The following SPIRE1 variants were observed in gnomAD, a reference collection of about 807,000 sequenced individuals.
SPIRE1 encodes the protein spire type actin nucleation factor 1.
A neutral mutation model predicts 94.1 loss-of-function variants in SPIRE1; 40 were observed. The ratio of observed to expected loss-of-function variants is 0.43; its 90% CI spans 0.33 to 0.55. SPIRE1 has a LOEUF of 0.55. Among genes scored for constraint, SPIRE1 ranks in the 20% least tolerant of loss-of-function variants. SPIRE1 has a pLI of 0.06. For synonymous variants in SPIRE1, 376 were observed against 371.7 expected (o/e 1.01, Z -0.13); for missense variants, 838 against 975.2 (o/e 0.86, Z 1.87).
At position 12,463,358 on chromosome 18, in the gene SPIRE1, C is replaced by T. The variant is rs761342289; in HGVS notation, c.1631G>A (p.Arg544His). The T allele has an allele frequency of 1.3e-5, 21 of 1,612,720 alleles. No individual in the cohort carries two copies. Among genetic ancestry groups the T allele is most frequent in the Non-Finnish European group, 1.8e-5 (21 of 1,179,270 alleles). ...AGTCTTTCCTGTACTTACAAGAGAGCGGGAACTCTGCCTGGAAGGCGGCAG... is the reference window on the plus strand; with the variant it reads ...AGTCTTTCCTGTACTTACAAGAGAGTGGGAACTCTGCCTGGAAGGCGGCAG... ...QFLPPSRQSSRSLEEFCYPVE... is the reference protein window; with the variant it reads ...QFLPPSRQSSHSLEEFCYPVE... The change falls in exon 12 of 17, where the codon CGC (arginine) becomes CAC (histidine). Residue 544 changes from arginine to histidine, a missense_variant. By Grantham distance (29) the Arg-to-His change is conservative (BLOSUM62 0). Coordinates refer to ENST00000409402, the MANE Select transcript of SPIRE1 (RefSeq NM_001128626.2).
chr18:12,604,330 G>A (rs1042946193), intron 2 of SPIRE1, among the ~76,000 whole-genome samples: 1 of 152,096 alleles, frequency 6.6e-6, no homozygotes, highest in Non-Finnish European at 1.5e-5. Flanking sequence ...TAGAGGACAC[G>A]CAGCTGGTGT....
At chr18:12,565,765 G>A (rs1203809697) in intron 2 of SPIRE1, among the ~76,000 whole-genome samples, 1 of 151,494 alleles carries the variant, frequency 6.6e-6, no homozygotes, top group Non-Finnish European at 1.5e-5. Context: ...GCCGGGCGCG[G>A]TGGCTCACGC....
At chr18:12,553,070 A>G (rs1051568023) in intron 2 of SPIRE1, among the ~76,000 whole-genome samples, 2 of 152,258 alleles carry the variant, frequency 1.3e-5, no homozygotes, top group African/African-American at 2.4e-5. Context: ...AATCAGCAGC[A>G]ATACCCAGGT....
chr18:12,496,736 G>T (rs1344320588), intron 6 of SPIRE1, among the ~76,000 whole-genome samples: 2 of 152,036 alleles, frequency 1.3e-5, no homozygotes, highest in African/African-American at 2.4e-5. Context: ...GGGCGTGGTG[G>T]CGGGCACCTG....
At position 12,512,533 on chromosome 18, in the gene SPIRE1, T is replaced by G; in HGVS notation, c.730-2A>C. ...CATTTCTTGAATCTTCTTAAGATTC[T>G]ACAGGTTAAAATAATACAGGCATAA... On this transcript the variant is annotated splice_acceptor_variant, in intron 4 of 16. Transcript: ENST00000409402. LOFTEE classifies it high-confidence loss of function. 1 of 1,587,104 alleles carries G rather than the reference T, an allele frequency of 6.3e-7. No homozygotes were observed. Among genetic ancestry groups the G allele is most frequent in the Non-Finnish European group, 8.6e-7 (1 of 1,158,974 alleles).
chr18:12,550,677 T>C (rs2035322528), intron 2 of SPIRE1, among the ~76,000 whole-genome samples: 2 of 152,040 alleles, frequency 1.3e-5, no homozygotes, highest in South Asian at 4.1e-4. Flanking sequence ...ATCTCTCCCT[T>C]CCCTCCTTCC....
At chr18:12,597,189 C>T (rs1237777931) in intron 2 of SPIRE1, among the ~76,000 whole-genome samples, 1 of 96,752 alleles carries the variant, frequency 1.0e-5, no homozygotes, top group Non-Finnish European at 2.5e-5. Flanking sequence ...CACACACACA[C>T]ACACACACAC....
chr18:12,631,690 C>A (rs549103999), intron 2 of SPIRE1, among the ~76,000 whole-genome samples: 2 of 151,488 alleles, frequency 1.3e-5, no homozygotes, highest in Admixed American at 1.3e-4. Flanking sequence ...CCTGGCAAAA[C>A]CCTGTCTCTA....
intron 2 of SPIRE1, among the ~76,000 whole-genome samples, chr18:12,565,247 A>G (rs1008716238): frequency 1.3e-5 from 2 of 152,258 alleles, no homozygotes; most frequent in South Asian, 4.1e-4. Context: ...CATCTCAGAA[A>G]CCATGCAAGC....
At chr18:12,634,355 C>A (rs1450675291) in intron 2 of SPIRE1, among the ~76,000 whole-genome samples, 1 of 151,622 alleles carries the variant, frequency 6.6e-6, no homozygotes, top group Non-Finnish European at 1.5e-5. Flanking sequence ...GTTTCTAAGT[C>A]CCTATTTTTT....
intron 2 of SPIRE1, among the ~76,000 whole-genome samples, chr18:12,576,890 C>CAAAAAAAAAAA (rs398032016): frequency 1.1e-5 from 1 of 89,958 alleles, no homozygotes. Context: ...CTCTGTTTCA[C>CAAAAAAAAAAA]AAAAAAAAAA....
chr18:12,509,495 A>G (rs933306642), intron 5 of SPIRE1, among the ~76,000 whole-genome samples: 3 of 152,256 alleles, frequency 2.0e-5, no homozygotes, highest in Admixed American at 2.0e-4. Flanking sequence ...AGTATTCTTC[A>G]TAAAGGAAAA....
chr18:12,633,191 C>T (rs1005675128), intron 2 of SPIRE1, among the ~76,000 whole-genome samples: 3 of 152,078 alleles, frequency 2.0e-5, no homozygotes, highest in Non-Finnish European at 4.4e-5. Flanking sequence ...CAAATCCCAC[C>T]CCTTTGTGTC....
intron 16 of SPIRE1, 80 bp from the exon 17 acceptor site, chr18:12,449,976 A>G: frequency 1.4e-6 from 2 of 1,420,420 alleles, no homozygotes; most frequent in South Asian, 2.7e-5. Flanking sequence ...TATAAAAAAA[A>G]GTAAATTTGT....
At chr18:12,501,625 G>A (rs998397487) in intron 6 of SPIRE1, among the ~76,000 whole-genome samples, 3 of 152,226 alleles carry the variant, frequency 2.0e-5, no homozygotes, top group Non-Finnish European at 2.9e-5. Flanking sequence ...CTTGTGTTCC[G>A]CACGCCTCGG....
intron 3 of SPIRE1, among the ~76,000 whole-genome samples, chr18:12,542,066 T>C (rs1266901221): frequency 1.3e-5 from 2 of 152,034 alleles, no homozygotes; most frequent in Admixed American, 1.3e-4. Context: ...AACCTCTGCT[T>C]CCCGGGTTCA....
chr18:12,641,721 A>G (rs1243024445), intron 1 of SPIRE1, among the ~76,000 whole-genome samples: 1 of 152,196 alleles, frequency 6.6e-6, no homozygotes, highest in Admixed American at 6.5e-5. Flanking sequence ...ATCAATGAAC[A>G]GAACTTCAAA....
chr18:12,567,684 T>A (rs997971040), intron 2 of SPIRE1, among the ~76,000 whole-genome samples: 1 of 152,176 alleles, frequency 6.6e-6, no homozygotes, highest in Non-Finnish European at 1.5e-5. Flanking sequence ...ATATAAATTT[T>A]TGGTAGCATA....
intron 11 of SPIRE1, among the ~76,000 whole-genome samples, chr18:12,463,907 T>A (rs2143616490): frequency 6.6e-6 from 1 of 152,356 alleles, no homozygotes; most frequent in Admixed American, 6.5e-5. Context: ...GATGTTAATA[T>A]TGTACCATTG....
Sources: allele counts gnomAD v4.1 joint callset (sites outside exome capture counted in the v4.1 genomes callset), GRCh38; gene constraint gnomAD v4.1.1; transcripts MANE v1.5; gene names NCBI Gene and HGNC (gene_info 2026-07-23, HGNC 2026-07-21).